Variants in ADGRF4 observed in about 807,000 individuals in gnomAD.
ADGRF4 encodes the protein G-protein coupled receptor PGR18.
Under a neutral mutation model 58.5 loss-of-function variants are expected in ADGRF4, and 63 were observed. That is an observed-to-expected ratio of 1.08 (90% CI 0.88 to 1.33). The LOEUF (loss-of-function observed/expected upper bound fraction) is 1.33. Ranked by LOEUF, ADGRF4 falls within the 40% of genes most tolerant of loss-of-function variation. The pLI, the probability that ADGRF4 is intolerant of heterozygous loss-of-function variation, is 0.00. For missense variants in ADGRF4, 931 were observed against 843.9 expected (o/e 1.10, Z -1.28); for synonymous variants, 313 against 295.4 (o/e 1.06, Z -0.61).
chr6:47,713,708 C>A (rs1581696592), intron 5 of ADGRF4, 90 bp from the exon 6 acceptor site: 5 of 1,043,092 alleles, frequency 4.8e-6, no homozygotes, highest in East Asian at 2.6e-5. Flanking sequence ...GATTGGGTAA[C>A]CTGATCTTTA....
chr6:47,699,110 C>T (rs776092690), intron 1 of ADGRF4, among the ~76,000 whole-genome samples: 6 of 152,198 alleles, frequency 3.9e-5, no homozygotes, highest in Non-Finnish European at 7.4e-5. Flanking sequence ...TGATAAATTT[C>T]AATACCTGTC....
At chr6:47,705,147 T>C (rs1270016611) in intron 1 of ADGRF4, among the ~76,000 whole-genome samples, 1 of 152,196 alleles carries the variant, frequency 6.6e-6, no homozygotes, top group Non-Finnish European at 1.5e-5. Context: ...CAGGATGGTC[T>C]TGATCTCCTG....
intron 1 of ADGRF4, among the ~76,000 whole-genome samples, chr6:47,700,938 A>AT (rs916013661): frequency 2.0e-5 from 3 of 151,510 alleles, no homozygotes; most frequent in South Asian, 4.2e-4. Flanking sequence ...AGGTGTTTAC[A>AT]TTTTTTTGCC....
rs1356251871 is a variant in ADGRF4 at position 47,713,755 on chromosome 6, A to G, written c.553-43A>G. On this transcript the variant is annotated intron_variant, in intron 5 of 9. Coordinates refer to ENST00000283303, the MANE Select transcript of ADGRF4 (RefSeq NM_153838.5). ...TTTTAGAAATCAACTTTGTACAACA[A>G]TGTGTAAATCCTTAGTATAATGTTC... 2.8e-6 allele frequency: 4 copies of G among 1,419,780 alleles called. No homozygotes were observed. The Admixed American group carries it at 7.7e-5, about 27-fold the overall frequency. 87.9% of individuals were successfully genotyped at this position (1,419,780 alleles called of 1,614,324 possible). A position where few individuals can be genotyped will look rare whatever the true frequency, so the allele number is the denominator to read the frequency against.
chr6:47,707,175 T>A (rs1771730151), intron 1 of ADGRF4, 55 bp from the exon 2 acceptor site: 1 of 936,884 alleles, frequency 1.1e-6, no homozygotes, highest in South Asian at 1.3e-5. Context: ...ATAAGTATTG[T>A]TAGTTGCGTG....
chr6:47,713,413 C>T (rs1328492127), intron 5 of ADGRF4, among the ~76,000 whole-genome samples: 2 of 152,128 alleles, frequency 1.3e-5, no homozygotes, highest in South Asian at 2.1e-4. Context: ...CTTTGGAATT[C>T]TTTGTAAGGC....
At chr6:47,709,479 A>T (rs2095651) in intron 3 of ADGRF4, among the ~76,000 whole-genome samples, 1 of 152,220 alleles carries the variant, frequency 6.6e-6, no homozygotes, top group African/African-American at 2.4e-5. Context: ...TCTGGCTAGA[A>T]TTACCATATT....
intron 5 of ADGRF4, among the ~76,000 whole-genome samples, chr6:47,712,864 C>A (rs1057461057): frequency 6.6e-6 from 1 of 152,146 alleles, no homozygotes; most frequent in African/African-American, 2.4e-5. Context: ...TGGCTATGAG[C>A]AAGACGGAAT....
At chr6:47,708,511 A>G (rs913066901) in intron 3 of ADGRF4, among the ~76,000 whole-genome samples, 3 of 152,240 alleles carry the variant, frequency 2.0e-5, no homozygotes, top group African/African-American at 7.2e-5. Flanking sequence ...AATAGTAGAC[A>G]AATACATACT....
At position 47,715,193 on chromosome 6, in the gene ADGRF4, G is replaced by A. The variant is rs1168829140; in HGVS notation, c.1932+16G>A. 3 of 1,543,984 alleles carry A rather than the reference G, an allele frequency of 1.9e-6. No individual in the cohort carries two copies. The highest frequency in any genetic ancestry group is 2.6e-6 in the Non-Finnish European group (3 of 1,138,422). Reference sequence around the variant, plus strand: ...TGCTTTCCAGGTAAGTTCCAAGAGGGAGACTTTTCTGTGTTACTCCGACTA... The same window carrying A: ...TGCTTTCCAGGTAAGTTCCAAGAGGAAGACTTTTCTGTGTTACTCCGACTA... On this transcript the variant is annotated intron_variant, in intron 6 of 9. Transcript: ENST00000283303.
In ADGRF4 at chr6:47,719,780, G is replaced by T. The variant is rs534942610; in HGVS notation, c.*3+1335G>T. 5.3e-5 allele frequency among the ~76,000 whole-genome samples: 8 copies of T among 152,302 alleles called. No homozygotes were observed. In the South Asian group the frequency reaches 1.0e-3, roughly 20 times the overall value. On this transcript the variant is annotated intron_variant, in intron 9 of 9. Transcript: ENST00000283303. Reference sequence around the variant, plus strand: ...GTTGGAGAAACACAGTAGAAGGCAAGATCAGGAGCTACACTACTTACTAGG... The same window carrying T: ...GTTGGAGAAACACAGTAGAAGGCAATATCAGGAGCTACACTACTTACTAGG...
At chr6:47,720,605 C>T (rs919481175) in intron 9 of ADGRF4, among the ~76,000 whole-genome samples, 1 of 152,132 alleles carries the variant, frequency 6.6e-6, no homozygotes, top group African/African-American at 2.4e-5. Flanking sequence ...TCATTGGGAA[C>T]CCCATTCTGG....
chr6:47,699,951 T>TG (rs1771554287), intron 1 of ADGRF4, among the ~76,000 whole-genome samples: 1 of 143,706 alleles, frequency 7.0e-6, no homozygotes, highest in Admixed American at 6.9e-5. Flanking sequence ...CCCCAAAATG[T>TG]GGGTCACTTA....
intron 9 of ADGRF4, among the ~76,000 whole-genome samples, chr6:47,720,447 T>C (rs769851245): frequency 5.3e-5 from 8 of 152,088 alleles, no homozygotes; most frequent in Non-Finnish European, 7.4e-5. Flanking sequence ...GCTTCCAGTG[T>C]TGGGGGACAC....
Position 47,707,253 on chromosome 6 carries a change from T to C in ADGRF4, c.8T>C (p.Met3Thr), listed in dbSNP as rs1771733860. Reference sequence around the variant, plus strand: ...AGGTGAAGATCCTCATGTATGAAAATGAAGTCCCAGGCAACCATGATTTGC... The same window carrying C: ...AGGTGAAGATCCTCATGTATGAAAACGAAGTCCCAGGCAACCATGATTTGC... The part of the protein sequence containing the change: MK[M>T]KSQATMICCL... The change falls in exon 2 of 10, where the codon ATG (methionine) becomes ACG (threonine). Residue 3 changes from methionine to threonine, a missense_variant. Transcript: ENST00000283303. 2.5e-6 allele frequency: 4 copies of C among 1,609,772 alleles called. No individual in the cohort carries two copies. Among genetic ancestry groups the C allele is most frequent in the Non-Finnish European group, 3.4e-6 (4 of 1,176,198 alleles).
At chr6:47,720,650 G>A (rs1772136779) in intron 9 of ADGRF4, among the ~76,000 whole-genome samples, 1 of 152,116 alleles carries the variant, frequency 6.6e-6, no homozygotes, top group South Asian at 2.1e-4. Context: ...CATTCTGTTG[G>A]CGGCCACAGC....
intron 3 of ADGRF4, 109 bp downstream of exon 3, chr6:47,708,387 C>G: frequency 2.7e-6 from 2 of 750,878 alleles, no homozygotes; most frequent in Non-Finnish European, 4.7e-6. Context: ...AACTGAATAG[C>G]AATCTCCAGT....
chr6:47,704,521 T>G (rs1771661139), intron 1 of ADGRF4, among the ~76,000 whole-genome samples: 1 of 152,120 alleles, frequency 6.6e-6, no homozygotes, highest in Non-Finnish European at 1.5e-5. Context: ...TCAGTATAAT[T>G]GTGAAGGCTA....
intron 1 of ADGRF4, among the ~76,000 whole-genome samples, chr6:47,706,631 C>A (rs1771717009): frequency 6.6e-6 from 1 of 152,156 alleles, no homozygotes; most frequent in African/African-American, 2.4e-5. Flanking sequence ...ACAGGACAGC[C>A]CCCAACAGCA....
Sources: allele counts gnomAD v4.1 joint callset (sites outside exome capture counted in the v4.1 genomes callset), GRCh38; gene constraint gnomAD v4.1.1; transcripts MANE v1.5; gene names NCBI Gene and HGNC (gene_info 2026-07-23, HGNC 2026-07-21).